NCOA2: variants seen among roughly 807,000 people sequenced by gnomAD.
NCOA2 encodes the protein nuclear receptor coactivator 2.
In NCOA2, 21 loss-of-function variants were observed where a neutral mutation model predicts 145.1. That is an observed-to-expected ratio of 0.14 (90% CI 0.10 to 0.21). NCOA2 has a LOEUF of 0.21. Among genes scored for constraint, NCOA2 ranks in the 10% least tolerant of loss-of-function variants. NCOA2 has a pLI of 1.00. For synonymous variants in NCOA2, 619 were observed against 637.5 expected (o/e 0.97, Z 0.44); for missense variants, 1,472 against 1,837.6 (o/e 0.80, Z 3.64).
rs773285557 is a variant in NCOA2 at position 70,163,521 on chromosome 8, T to G, written c.776A>C (p.Lys259Thr). 1 of 1,613,954 alleles carries G rather than the reference T, an allele frequency of 6.2e-7. No homozygotes were observed. The highest frequency in any genetic ancestry group is 1.1e-5 in the South Asian group (1 of 91,080). Reference sequence around the variant, plus strand: ...TGATGAGGGAAGAACTGGTCTTTCCTTCATGGGAACTCTTCTTGCCACGCA... The same window carrying G: ...TGATGAGGGAAGAACTGGTCTTTCCGTCATGGGAACTCTTCTTGCCACGCA... ...LICVARRVPM[K>T]ERPVLPSSES... is the part of the protein sequence containing the mutation. Residue 259 changes from lysine (K) to threonine (T), a missense_variant, in exon 8 of 23, where the codon AAG becomes ACG. Lys to Thr is a moderately conservative substitution (Grantham distance 78, BLOSUM62 -1). Around this residue, in one of 4 missense-constraint regions of NCOA2, gnomAD observed 284 missense variants for 467.8 expected, o/e 0.61. Coordinates refer to ENST00000452400, the MANE Select transcript of NCOA2 (RefSeq NM_006540.4).
chr8:70,162,911 A>ATTTTTTTTTTTTTTTTTTTTTTTT (rs10641831), intron 8 of NCOA2, 57 bp from the exon 9 acceptor site: 2 of 752,422 alleles, frequency 2.7e-6, no homozygotes, highest in Non-Finnish European at 3.5e-6. Flanking sequence ...TATGGAAATA[A>ATTTTTTTTTTTTTTTTTTTTTTTT]TTTTTTTTTT....
At chr8:70,201,212 A>T (rs947039373) in intron 4 of NCOA2, among the ~76,000 whole-genome samples, 4 of 152,156 alleles carry the variant, frequency 2.6e-5, no homozygotes, top group African/African-American at 9.7e-5. Flanking sequence ...AGAGTCTTTA[A>T]ATCAATAAGT....
chr8:70,398,908 A>G (rs1171207690), intron 1 of NCOA2, among the ~76,000 whole-genome samples: 5 of 152,234 alleles, frequency 3.3e-5, no homozygotes, highest in Non-Finnish European at 7.3e-5. Flanking sequence ...TCTTTGCCCT[A>G]AAAGCTAACA....
Position 70,258,159 on chromosome 8 carries a change from C to T in NCOA2, c.-20+38585G>A, listed in dbSNP as rs368010362. Among the ~76,000 whole-genome samples, 82 of 152,196 alleles carry T rather than the reference C, an allele frequency of 5.4e-4. No homozygotes were observed. The East Asian group carries it at 0.011, about 20-fold the overall frequency. ...CTTTAACTCATGAGCTCAAGTGATC[C>T]GCCAGCCTCGGCCTCCCAAAGTGCT... On this transcript the variant is annotated intron_variant, in intron 2 of 22. Transcript: ENST00000452400.
the NCOA2 span, among the ~76,000 whole-genome samples, chr8:70,449,480 A>C: frequency 6.6e-6 from 1 of 152,228 alleles, no homozygotes; most frequent in African/African-American, 2.4e-5. Flanking sequence ...GCACCAGCAA[A>C]ACTGTCACCC....
intron 1 of NCOA2, among the ~76,000 whole-genome samples, chr8:70,379,901 A>T (rs1202609231): frequency 1.3e-5 from 2 of 152,188 alleles, no homozygotes; most frequent in African/African-American, 4.8e-5. Context: ...ATGGCTGATT[A>T]TAAACTGAAA....
chr8:70,399,666 A>G (rs184056342), intron 1 of NCOA2, among the ~76,000 whole-genome samples: 14 of 152,276 alleles, frequency 9.2e-5, no homozygotes, highest in African/African-American at 3.1e-4. Context: ...ACAATAAATA[A>G]GCATTAACTT....
intron 1 of NCOA2, among the ~76,000 whole-genome samples, chr8:70,331,180 G>A (rs952195543): frequency 3.9e-5 from 6 of 152,018 alleles, no homozygotes; most frequent in East Asian, 1.9e-4. Context: ...GGGCTTTCTC[G>A]TACAATAATG....
At position 70,166,591 on chromosome 8, in the gene NCOA2, T is replaced by G. The variant is rs748722640; in HGVS notation, c.705A>C (p.Pro235=). ...ETMQCFAVSQ[P]KSIKEEGEDL... ...CTTCTCCTTCTTCTTTGATGGACTTTGGTTGAGAGACAGCGAAGCACTGCA... is the reference window on the plus strand; with the variant it reads ...CTTCTCCTTCTTCTTTGATGGACTTGGGTTGAGAGACAGCGAAGCACTGCA... The change falls in exon 7 of 23, where the codon CCA becomes CCC. Residue 235 remains proline (P), a synonymous_variant. Transcript: ENST00000452400. The G allele has an allele frequency of 5.6e-6, 9 of 1,614,028 alleles. No homozygotes were observed. Among genetic ancestry groups the G allele is most frequent in the Non-Finnish European group, 7.6e-6 (9 of 1,179,890 alleles).
chr8:70,237,796 A>C (rs1489132188), intron 2 of NCOA2, among the ~76,000 whole-genome samples: 2 of 152,058 alleles, frequency 1.3e-5, no homozygotes, highest in African/African-American at 4.8e-5. Context: ...AGAGTTTACA[A>C]AGCTTTAGCA....
At chr8:70,145,339 T>TTTC (rs1246659371) in intron 12 of NCOA2, among the ~76,000 whole-genome samples, 4 of 152,016 alleles carry the variant, frequency 2.6e-5, no homozygotes, top group Non-Finnish European at 5.9e-5. Flanking sequence ...TTCTTTTTTT[T>TTTC]TTTTGAGACG....
chr8:70,190,013 C>A (rs1816508977), intron 4 of NCOA2, among the ~76,000 whole-genome samples: 1 of 152,104 alleles, frequency 6.6e-6, no homozygotes, highest in African/African-American at 2.4e-5. Flanking sequence ...TTACTTAACT[C>A]AAAATAAACT....
chr8:70,331,386 C>T (rs1807082675), intron 1 of NCOA2, among the ~76,000 whole-genome samples: 1 of 152,068 alleles, frequency 6.6e-6, no homozygotes, highest in African/African-American at 2.4e-5. Flanking sequence ...AAAATTTTAG[C>T]TTGCTGAAAT....
chr8:70,120,593 T>A (rs999908327), intron 22 of NCOA2, among the ~76,000 whole-genome samples: 1 of 152,082 alleles, frequency 6.6e-6, no homozygotes, highest in African/African-American at 2.4e-5. Context: ...TGGTGGCATG[T>A]GCCTGTAATC....
chr8:70,246,591 T>G (rs1822644130), intron 2 of NCOA2, among the ~76,000 whole-genome samples: 1 of 152,166 alleles, frequency 6.6e-6, no homozygotes, highest in Non-Finnish European at 1.5e-5. Context: ...ACAAAATTTA[T>G]CATCTTAACC....
At chr8:70,142,088 G>GTT (rs1030756736) in intron 13 of NCOA2, among the ~76,000 whole-genome samples, 1 of 152,172 alleles carries the variant, frequency 6.6e-6, no homozygotes. Context: ...ACATAAGAGC[G>GTT]TAACGCTGCT....
chr8:70,113,771 G>C, intron 22 of NCOA2, 128 bp from the exon 23 acceptor site: 1 of 867,892 alleles, frequency 1.2e-6, no homozygotes, highest in Non-Finnish European at 1.9e-6. Flanking sequence ...GGCCGCATCT[G>C]GATGAGTACA....
chr8:70,453,982 G>T, the NCOA2 span, among the ~76,000 whole-genome samples: 9 of 152,152 alleles, frequency 5.9e-5, no homozygotes. Context: ...ATTGAGAATT[G>T]TTCATGTTTC....
chr8:70,368,138 A>T (rs1439726075), intron 1 of NCOA2, among the ~76,000 whole-genome samples: 1 of 152,254 alleles, frequency 6.6e-6, no homozygotes, highest in Non-Finnish European at 1.5e-5. Flanking sequence ...CAACAATTTC[A>T]AAACCTGACA....
Sources: allele counts gnomAD v4.1 joint callset (sites outside exome capture counted in the v4.1 genomes callset), GRCh38; gene constraint gnomAD v4.1.1; regional missense constraint gnomAD v4.1.1; transcripts MANE v1.5; gene names NCBI Gene and HGNC (gene_info 2026-07-23, HGNC 2026-07-21).